Variants in MBP observed in about 807,000 individuals in gnomAD.
The protein encoded by MBP is Golli-MBP.
A neutral mutation model predicts 35.8 loss-of-function variants in MBP; 16 were observed. The observed-to-expected ratio is 0.45, with a 90% CI of 0.30 to 0.68. MBP has a LOEUF of 0.68. Ranked by LOEUF, MBP falls within the 30% of genes least tolerant of loss-of-function variation. The pLI is 0.08. For synonymous variants in MBP, 143 were observed against 159.6 expected, an observed-to-expected ratio of 0.90 and a Z score of 0.78; for missense variants, 380 against 404.7, an observed-to-expected ratio of 0.94 and a Z score of 0.52.
intron 3 of MBP, among the ~76,000 whole-genome samples, chr18:77,025,136 C>T (rs1011777910): frequency 6.6e-6 from 1 of 152,222 alleles, no homozygotes; most frequent in African/African-American, 2.4e-5. Context: ...GCCGTTCACT[C>T]CTGCCTAAAC....
intron 3 of MBP, among the ~76,000 whole-genome samples, chr18:77,023,306 A>G (rs1972065602): frequency 2.0e-5 from 3 of 152,190 alleles, no homozygotes. Context: ...AGGTGGTGTT[A>G]ATGAAAGGTC....
intron 1 of MBP, chr18:77,127,395 A>T (rs1322953075): frequency 6.6e-6 from 1 of 152,236 alleles, no homozygotes; most frequent in Non-Finnish European, 1.5e-5. Context: ...TACAAAAATT[A>T]ACTCAAAATG....
intron 2 of MBP, among the ~76,000 whole-genome samples, chr18:77,074,877 A>C (rs1179836765): frequency 6.6e-6 from 1 of 152,276 alleles, no homozygotes; most frequent in Non-Finnish European, 1.5e-5. Flanking sequence ...ATTCATGTAA[A>C]GATCACAGCA....
In MBP at chr18:77,066,447, T is replaced by C. The variant is rs550870032; in HGVS notation, c.52-62A>G. 17 of 1,014,140 alleles carry C rather than the reference T, an allele frequency of 1.7e-5. No homozygotes were observed. The East Asian group carries it at 3.5e-4, about 21-fold the overall frequency. 62.8% of individuals were successfully genotyped at this position (1,014,140 alleles called of 1,614,324 possible). ...ATAAATTGTTTTATCAACAAAATAA[T>C]TGTAATGCATTTGTCTCTTTATAAA... On this transcript the variant is annotated intron_variant, in intron 2 of 8. Coordinates refer to ENST00000355994, the MANE Select transcript of MBP (RefSeq NM_001025101.2).
chr18:77,016,118 A>G (rs1971610734), intron 4 of MBP: 25 of 985,208 alleles, frequency 2.5e-5, no homozygotes, highest in African/African-American at 3.5e-5. Context: ...AATCAACTGC[A>G]GAAACCACTC....
Position 77,118,745 on chromosome 18 carries a change from CCACA to C in MBP, c.-25-13463_-25-13460del, listed in dbSNP as rs1315116620. 2.7e-5 allele frequency among the ~76,000 whole-genome samples: 4 copies of C among 149,710 alleles called. No homozygotes were observed. In the East Asian group the frequency reaches 7.9e-4, roughly 30 times the overall value. On this transcript the variant is annotated intron_variant, in intron 1 of 8. Transcript: ENST00000355994. ...ATACCACACACACCCTTCACAGACA[CCACA>C]CACACACCACACACACACACTCCAG...
chr18:77,046,884 T>G (rs1287516276), intron 3 of MBP, among the ~76,000 whole-genome samples: 1 of 152,224 alleles, frequency 6.6e-6, no homozygotes, highest in Non-Finnish European at 1.5e-5. Context: ...GTTTCACTGC[T>G]GATCCAGTGA....
intron 3 of MBP, among the ~76,000 whole-genome samples, chr18:77,061,951 C>CA (rs1480191332): frequency 6.6e-6 from 1 of 152,214 alleles, no homozygotes; most frequent in Non-Finnish European, 1.5e-5. Context: ...GCTGTGCACA[C>CA]AGGACTTGGC....
chr18:77,014,494 CACCTCTTCGGCCTATCCCAAGG>C lies in MBP; in HGVS notation c.576+2316_576+2337del, dbSNP rs913753122. 7 of 985,364 alleles carry C rather than the reference CACCTCTTCGGCCTATCCCAAGG, an allele frequency of 7.1e-6. No homozygotes were observed. In the African/African-American group the frequency reaches 1.0e-4, roughly 15 times the overall value. The allele number at this position is 985,364 out of a possible 1,614,324, so 61.0% of individuals were successfully genotyped here. A position where few individuals can be genotyped will look rare whatever the true frequency, so the allele number is the denominator to read the frequency against. On this transcript the variant is annotated intron_variant, in intron 4 of 8. Coordinates refer to ENST00000355994, the MANE Select transcript of MBP (RefSeq NM_001025101.2). ...CCGGGCCTTCCACTGCTCGTTTGCA[CACCTCTTCGGCCTATCCCAAGG>C]ACCTTCCTAGCATATAAAAACAGGG...
intron 2 of MBP, among the ~76,000 whole-genome samples, chr18:77,079,389 T>C (rs1479337909): frequency 6.6e-6 from 1 of 152,116 alleles, no homozygotes. Flanking sequence ...CTCAAACATG[T>C]AGGTTTGGAG....
rs539264079 is a variant in MBP at position 76,985,373 on chromosome 18, C to A, written c.751-479G>T. ...GCGCCTTTGCTGGGGGCTCCTTTTG[C>A]TGATTGATTTGCACAGATTGGATTC... On this transcript the variant is annotated intron_variant, in intron 7 of 8. Coordinates refer to ENST00000355994, the MANE Select transcript of MBP (RefSeq NM_001025101.2). 1.4e-4 allele frequency: 173 copies of A among 1,265,626 alleles called. No homozygotes were observed. In the African/African-American group the frequency reaches 2.3e-3, roughly 17 times the overall value. 78.4% of individuals were successfully genotyped at this position (1,265,626 alleles called of 1,614,324 possible). A position where few individuals can be genotyped will look rare whatever the true frequency, so the allele number is the denominator to read the frequency against.
chr18:77,054,472 G>C (rs2144719293), intron 3 of MBP, among the ~76,000 whole-genome samples: 1 of 152,340 alleles, frequency 6.6e-6, no homozygotes, highest in Non-Finnish European at 1.5e-5. Flanking sequence ...GAGGGGATTT[G>C]AGCAGGGAGC....
At chr18:77,105,185 A>G in intron 2 of MBP, 26 bp downstream of exon 2, 4 of 1,610,966 alleles carry the variant, frequency 2.5e-6, no homozygotes, top group Non-Finnish European at 3.4e-6. Context: ...CAACATGCAC[A>G]TGTTTCGGAT....
rs193103288 is a variant in MBP, at chr18:77,020,628, C to T, written c.140-3360G>A. On this transcript the variant is annotated intron_variant, in intron 3 of 8. Transcript: ENST00000355994. The surrounding 1 kb of genome is among the most constrained non-coding windows in gnomAD (Gnocchi z 4.1). ...GTCTGTTAGGGAGGCTCGTTAGAGACCCTTCCCAGGGCTTTACTCGGGGCT... is the reference window on the plus strand; with the variant it reads ...GTCTGTTAGGGAGGCTCGTTAGAGATCCTTCCCAGGGCTTTACTCGGGGCT... Among the ~76,000 whole-genome samples the T allele has an allele frequency of 2.6e-3, 399 of 152,356 alleles. 4 individuals are homozygous for T. The highest frequency in any genetic ancestry group is 8.7e-3 in the African/African-American group (362 of 41,588).
chr18:76,987,097 G>A (rs947768880), intron 7 of MBP: 16 of 985,308 alleles, frequency 1.6e-5, no homozygotes, highest in Non-Finnish European at 1.8e-5. Flanking sequence ...GGAATGCAAG[G>A]GTCTTTCTTG....
chr18:77,006,247 G>A (rs999031176), intron 4 of MBP: 1 of 152,472 alleles, frequency 6.6e-6, no homozygotes, highest in Non-Finnish European at 1.5e-5. Context: ...AAGGGTCTGT[G>A]AGAAAGAGGC....
intron 3 of MBP, among the ~76,000 whole-genome samples, chr18:77,055,545 C>A (rs548996562): frequency 1.2e-4 from 19 of 152,130 alleles, no homozygotes; most frequent in Middle Eastern, 3.4e-3. Flanking sequence ...CCCTTTCTTT[C>A]CCTTTCTTTT....
At chr18:77,048,864 G>T (rs1296862962) in intron 3 of MBP, among the ~76,000 whole-genome samples, 1 of 152,124 alleles carries the variant, frequency 6.6e-6, no homozygotes, top group Non-Finnish European at 1.5e-5. Flanking sequence ...TAAGCACTAG[G>T]GTTGGGATTT....
At chr18:77,108,685 G>A (rs1230927430) in intron 1 of MBP, 1 of 152,196 alleles carries the variant, frequency 6.6e-6, no homozygotes, top group African/African-American at 2.4e-5. Flanking sequence ...TGACTGTTAG[G>A]CTCTCGTTTT....
Sources: allele counts gnomAD v4.1 joint callset (sites outside exome capture counted in the v4.1 genomes callset), GRCh38; gene constraint gnomAD v4.1.1; non-coding constraint Gnocchi (gnomAD v3.1); transcripts MANE v1.5; gene names NCBI Gene and HGNC (gene_info 2026-07-23, HGNC 2026-07-21).